ABTB2: variants seen among roughly 807,000 people sequenced by gnomAD.
ABTB2 encodes ankyrin repeat and BTB/POZ domain-containing protein 2.
ABTB2 carries 56 observed loss-of-function variants against 104.1 expected under a neutral mutation model. The ratio of observed to expected loss-of-function variants is 0.54; its 90% CI spans 0.43 to 0.67. The LOEUF is 0.67. Ranked by LOEUF, ABTB2 falls within the 30% of genes least tolerant of loss-of-function variation. The probability of loss-of-function intolerance (pLI) is 0.00; values close to 1 mark genes in which losing one functional copy is unlikely to be tolerated. For synonymous variants in ABTB2, 606 were observed against 608.2 expected, an observed-to-expected ratio of 1.00 and a Z score of 0.05; for missense variants, 1,279 against 1,407.7, an observed-to-expected ratio of 0.91 and a Z score of 1.46.
At chr11:34,161,203 CGCCCCCTCCCGCCT>C in intron 10 of ABTB2, 122 bp from the exon 11 acceptor site, 25 of 951,774 alleles carry the variant, frequency 2.6e-5, no homozygotes, top group Non-Finnish European at 3.7e-5. Context: ...GCACCCCGCC[CGCCCCCTCCCGCCT>C]GCCCCCTTCC....
At chr11:34,315,687 G>A (rs1314453646) in intron 1 of ABTB2, among the ~76,000 whole-genome samples, 2 of 152,188 alleles carry the variant, frequency 1.3e-5, no homozygotes, top group Non-Finnish European at 2.9e-5. Context: ...CTGGCTGGCC[G>A]TAGCCCGGAG....
At chr11:34,340,043 C>CCGAACAAACAAA (rs1855243555) in intron 1 of ABTB2, among the ~76,000 whole-genome samples, 2 of 149,558 alleles carry the variant, frequency 1.3e-5, no homozygotes, top group South Asian at 4.3e-4. Flanking sequence ...CCACCATCCT[C>CCGAACAAACAAA]CAAACAAACA....
intron 1 of ABTB2, among the ~76,000 whole-genome samples, chr11:34,342,046 G>C (rs1344652569): frequency 2.0e-5 from 3 of 152,088 alleles, no homozygotes; most frequent in Non-Finnish European, 4.4e-5. Context: ...AAGCCAGAAG[G>C]GTAAACAAGA....
At chr11:34,236,072 C>T (rs1285476031) in intron 1 of ABTB2, among the ~76,000 whole-genome samples, 2 of 152,110 alleles carry the variant, frequency 1.3e-5, no homozygotes, top group African/African-American at 4.8e-5. Context: ...CTGGTGGGTA[C>T]ACCCCTGCAA....
intron 3 of ABTB2, among the ~76,000 whole-genome samples, chr11:34,179,653 A>G (rs572192231): frequency 6.6e-6 from 1 of 152,344 alleles, no homozygotes; most frequent in South Asian, 2.1e-4. Context: ...GCAGATCGTC[A>G]TCCTCTGTGG....
At chr11:34,267,103 G>T (rs1854261729) in intron 1 of ABTB2, among the ~76,000 whole-genome samples, 1 of 152,214 alleles carries the variant, frequency 6.6e-6, no homozygotes. Context: ...TTCAGAGAAA[G>T]AAACAATTCT....
intron 12 of ABTB2, 29 bp downstream of exon 12, chr11:34,160,219 G>A: frequency 6.4e-7 from 1 of 1,555,612 alleles, no homozygotes; most frequent in Non-Finnish European, 8.9e-7. Flanking sequence ...GACGTGTGGT[G>A]ATGCAGGGCG....
chr11:34,202,914 T>A (rs1397820271), intron 2 of ABTB2, among the ~76,000 whole-genome samples: 1 of 152,194 alleles, frequency 6.6e-6, no homozygotes, highest in Non-Finnish European at 1.5e-5. Flanking sequence ...AGGGGCAGAC[T>A]AAAACTCAGG....
intron 3 of ABTB2, among the ~76,000 whole-genome samples, chr11:34,185,483 G>T (rs941718115): frequency 6.6e-6 from 1 of 152,224 alleles, no homozygotes; most frequent in Non-Finnish European, 1.5e-5. Flanking sequence ...CTCTGTGCCA[G>T]GTGGGTGTGA....
chr11:34,246,046 C>A (rs1175506009), intron 1 of ABTB2, among the ~76,000 whole-genome samples: 1 of 152,242 alleles, frequency 6.6e-6, no homozygotes, highest in Non-Finnish European at 1.5e-5. Flanking sequence ...AGGCCAATGC[C>A]TGGCACAAGC....
intron 1 of ABTB2, among the ~76,000 whole-genome samples, chr11:34,216,903 G>A (rs138223065): frequency 0.014 from 2,182 of 152,262 alleles, 44 homozygotes; most frequent in African/African-American, 0.048. Flanking sequence ...ATTAAGACAC[G>A]CCCACCAGTG....
intron 1 of ABTB2, among the ~76,000 whole-genome samples, chr11:34,326,652 A>G (rs1170728238): frequency 6.6e-6 from 1 of 152,102 alleles, no homozygotes; most frequent in African/African-American, 2.4e-5. Flanking sequence ...AAAAGTTTAA[A>G]TAATCTAAAG....
intron 1 of ABTB2, among the ~76,000 whole-genome samples, chr11:34,344,368 C>A (rs1855303374): frequency 6.6e-6 from 1 of 152,184 alleles, no homozygotes; most frequent in African/African-American, 2.4e-5. Context: ...AAAATTAAAT[C>A]TCTATTGTCT....
intron 10 of ABTB2, 98 bp downstream of exon 10, chr11:34,162,478 G>A: frequency 1.5e-6 from 2 of 1,314,154 alleles, no homozygotes; most frequent in Non-Finnish European, 2.1e-6. Context: ...GTCCCTGCAG[G>A]CCCTGGCCCT....
In ABTB2 at chr11:34,356,613, G is replaced by C; in HGVS notation, c.883+88C>G. ...TCCCAAAGAACTGGCACAGCCACCA[G>C]CTTTGTCTCAGGAAATTCACTCCCC... On this transcript the variant is annotated intron_variant, in intron 1 of 16. Transcript: ENST00000435224. This position sits in a 1 kb window ranked among gnomAD's most constrained non-coding sequence, Gnocchi z 4.6. 4 of 1,436,504 alleles carry C rather than the reference G, an allele frequency of 2.8e-6. No individual in the cohort carries two copies. Among genetic ancestry groups the C allele is most frequent in the Admixed American group, 2.7e-5 (1 of 37,056 alleles). The allele number at this position is 1,436,504 out of a possible 1,614,324, so 89.0% of individuals were successfully genotyped here. A position where few individuals can be genotyped will look rare whatever the true frequency, so the allele number is the denominator to read the frequency against.
intron 1 of ABTB2, among the ~76,000 whole-genome samples, chr11:34,228,636 C>T (rs1420637706): frequency 1.3e-5 from 2 of 152,156 alleles, no homozygotes; most frequent in African/African-American, 4.8e-5. Flanking sequence ...CCTCAGCCTC[C>T]CAAAATGCTG....
chr11:34,270,353 T>G (rs1003839713), intron 1 of ABTB2, among the ~76,000 whole-genome samples: 66 of 151,734 alleles, frequency 4.3e-4, no homozygotes, highest in African/African-American at 1.6e-3. Context: ...TTTTTTTTTT[T>G]TTTTGAGATG....
At chr11:34,198,446 AAC>A (rs533235591) in intron 2 of ABTB2, among the ~76,000 whole-genome samples, 1,344 of 83,298 alleles carry the variant, frequency 0.016, 24 homozygotes, top group African/African-American at 0.059. Flanking sequence ...ACAAACAAAC[AAC>A]AACAACAAAA....
intron 1 of ABTB2, among the ~76,000 whole-genome samples, chr11:34,255,373 C>T (rs923876035): frequency 6.6e-6 from 1 of 152,156 alleles, no homozygotes; most frequent in Non-Finnish European, 1.5e-5. Context: ...ACAGACAGCC[C>T]ATGGCAGGGA....
Sources: gnomAD v4.1 joint callset for allele counts (sites outside exome capture counted in the v4.1 genomes callset) on GRCh38, gnomAD v4.1.1 for gene constraint, Gnocchi (gnomAD v3.1) non-coding constraint, MANE v1.5 for transcripts, NCBI Gene and HGNC (gene_info 2026-07-23, HGNC 2026-07-21) for gene names.